The following DHRSX variants were observed in gnomAD, a reference collection of about 807,000 sequenced individuals.
DHRSX encodes the protein dehydrogenase/reductase X-linked.
A neutral mutation model predicts 34.0 loss-of-function variants in DHRSX; 31 were observed. The observed-to-expected ratio is 0.91, with a 90% CI of 0.69 to 1.23. DHRSX has a LOEUF of 1.23. Among genes scored for constraint, DHRSX ranks in the 50% most tolerant of loss-of-function variants. The pLI is 0.00. For synonymous variants in DHRSX, 201 were observed against 183.8 expected (o/e 1.09, Z -0.76); for missense variants, 414 against 428.1 (o/e 0.97, Z 0.29).
intron 5 of DHRSX, among the ~76,000 whole-genome samples, chrX:2,250,161 C>A (rs866342971): frequency 3.2e-3 from 321 of 101,542 alleles, no homozygotes; most frequent in African/African-American, 5.2e-3. Context: ...GACTCCATCT[C>A]AAAAAAAAAA....
intron 4 of DHRSX, among the ~76,000 whole-genome samples, chrX:2,274,378 TGTCAACCAAGCTGGA>T (rs1450299241): frequency 6.6e-6 from 1 of 151,548 alleles, no homozygotes; most frequent in Non-Finnish European, 1.5e-5. Context: ...AGTCTCGCTC[TGTCAACCAAGCTGGA>T]GTGCAGTGTG....
At chrX:2,255,672 A>G (rs2041266774) in intron 5 of DHRSX, among the ~76,000 whole-genome samples, 1 of 152,032 alleles carries the variant, frequency 6.6e-6, no homozygotes, top group South Asian at 2.1e-4. Flanking sequence ...GCACATTGGG[A>G]AGTCGAAGTG....
At chrX:2,322,369 T>C (rs1432489701) in intron 3 of DHRSX, among the ~76,000 whole-genome samples, 2 of 151,762 alleles carry the variant, frequency 1.3e-5, no homozygotes, top group African/African-American at 4.8e-5. Flanking sequence ...ACCAACGTGG[T>C]GAAACCCTGT....
intron 4 of DHRSX, among the ~76,000 whole-genome samples, chrX:2,273,577 A>G (rs193069240): frequency 1.1e-3 from 163 of 152,218 alleles, no homozygotes; most frequent in African/African-American, 3.5e-3. Context: ...TGAACCTGTC[A>G]CCCAGGAAAT....
At chrX:2,337,504 G>GGA (rs1158612082) in intron 3 of DHRSX, among the ~76,000 whole-genome samples, 28 of 152,164 alleles carry the variant, frequency 1.8e-4, no homozygotes, top group African/African-American at 6.5e-4. Context: ...GTAAAATGAA[G>GGA]GAGAGAGCTG....
chrX:2,248,022 G>A (rs187675490), intron 5 of DHRSX, among the ~76,000 whole-genome samples: 49 of 152,196 alleles, frequency 3.2e-4, no homozygotes, highest in African/African-American at 1.1e-3. Flanking sequence ...TCCTATCATC[G>A]TGCAGTGGCT....
intron 1 of DHRSX, among the ~76,000 whole-genome samples, chrX:2,468,955 G>T (rs2123995337): frequency 6.6e-6 from 1 of 152,096 alleles, no homozygotes; most frequent in African/African-American, 2.4e-5. Context: ...GTGGCTCAGG[G>T]ACCACCACCA....
chrX:2,475,038 T>C (rs73180874), intron 1 of DHRSX, among the ~76,000 whole-genome samples: 31,041 of 150,188 alleles, frequency 0.21, 4,290 homozygotes, highest in African/African-American at 0.39. Context: ...CCACCATGTA[T>C]ACACTGAAGA....
At chrX:2,374,763 G>A (rs1235831662) in intron 3 of DHRSX, among the ~76,000 whole-genome samples, 3 of 130,614 alleles carry the variant, frequency 2.3e-5, no homozygotes, top group African/African-American at 5.1e-5. Context: ...AACAAAAAAC[G>A]AAAAACAAAG....
chrX:2,261,566 G>C (rs2041363691), intron 5 of DHRSX: 1 of 152,162 alleles, frequency 6.6e-6, no homozygotes, highest in Non-Finnish European at 1.5e-5. Flanking sequence ...GAGGTCAGGA[G>C]TTCGAGACCA....
chrX:2,350,932 G>A (rs2042781592), intron 3 of DHRSX, among the ~76,000 whole-genome samples: 1 of 152,152 alleles, frequency 6.6e-6, no homozygotes, highest in African/African-American at 2.4e-5. Context: ...CCTCTGCAGG[G>A]ACATGGATGA....
At chrX:2,333,286 C>T (rs1331428169) in intron 3 of DHRSX, among the ~76,000 whole-genome samples, 1 of 152,126 alleles carries the variant, frequency 6.6e-6, no homozygotes, top group East Asian at 1.9e-4. Flanking sequence ...TGCAGCTGTA[C>T]AAACATGTAT....
chrX:2,464,258 C>T (rs1023181711), intron 1 of DHRSX, among the ~76,000 whole-genome samples: 37 of 149,888 alleles, frequency 2.5e-4, no homozygotes, highest in Non-Finnish European at 7.4e-5. Context: ...GGACCATTGC[C>T]CTTTGCACAT....
At chrX:2,382,106 T>C (rs1169304524) in intron 3 of DHRSX, among the ~76,000 whole-genome samples, 1 of 152,138 alleles carries the variant, frequency 6.6e-6, no homozygotes, top group Non-Finnish European at 1.5e-5. Flanking sequence ...TCTGGCTTAA[T>C]TACAATATTC....
chrX:2,378,480 A>T (rs1322218273), intron 3 of DHRSX, among the ~76,000 whole-genome samples: 1 of 152,078 alleles, frequency 6.6e-6, no homozygotes, highest in Non-Finnish European at 1.5e-5. Context: ...GATGACGAGG[A>T]TGAAGACATT....
intron 1 of DHRSX, among the ~76,000 whole-genome samples, chrX:2,448,532 A>G (rs1319324076): frequency 1.3e-5 from 2 of 149,266 alleles, no homozygotes; most frequent in African/African-American, 5.0e-5. Context: ...TGAATATGTT[A>G]ATTAGCTTGT....
intron 4 of DHRSX, among the ~76,000 whole-genome samples, chrX:2,274,584 A>G (rs1322604931): frequency 7.4e-6 from 1 of 135,134 alleles, no homozygotes; most frequent in East Asian, 2.1e-4. Context: ...ACCCGGCTAA[A>G]CTTTTTTTTT....
chrX:2,258,165 G>A (rs1325241388), intron 5 of DHRSX, among the ~76,000 whole-genome samples: 10 of 151,850 alleles, frequency 6.6e-5, no homozygotes, highest in African/African-American at 2.4e-4. Context: ...GACTGTGGGA[G>A]AATCAATGTC....
chrX:2,449,102 T>C (rs2044181017), intron 1 of DHRSX, among the ~76,000 whole-genome samples: 1 of 151,532 alleles, frequency 6.6e-6, no homozygotes, highest in South Asian at 2.1e-4. Flanking sequence ...GACAGGAGAA[T>C]GGCTTGAACC....
Sources: gnomAD v4.1 joint callset for allele counts (sites outside exome capture counted in the v4.1 genomes callset) on GRCh38, gnomAD v4.1.1 for gene constraint, MANE v1.5 for transcripts, NCBI Gene and HGNC (gene_info 2026-07-23, HGNC 2026-07-21) for gene names.